Variants in MAL2 observed in about 807,000 individuals in gnomAD.
MAL2 encodes the protein mal, T cell differentiation protein 2.
In MAL2, 17 loss-of-function variants were observed where a neutral mutation model predicts 18.1. The observed-to-expected ratio is 0.94, with a 90% CI of 0.64 to 1.41. The LOEUF (loss-of-function observed/expected upper bound fraction) is 1.41, where lower values mean the gene tolerates loss of function less well. MAL2 is among the 40% of genes most tolerant of loss of function. MAL2 has a pLI of 0.00. For synonymous variants in MAL2, 102 were observed against 102.3 expected (o/e 1.00, Z 0.02); for missense variants, 222 against 231.9 (o/e 0.96, Z 0.28).
At chr8:119,230,843 T>C (rs1817705640) in intron 2 of MAL2, among the ~76,000 whole-genome samples, 1 of 152,176 alleles carries the variant, frequency 6.6e-6, no homozygotes, top group South Asian at 2.1e-4. Flanking sequence ...AATAACCACA[T>C]GTATTTGAGC....
intron 3 of MAL2, among the ~76,000 whole-genome samples, chr8:119,240,991 TGTCAGAA>T (rs1818036833): frequency 6.6e-6 from 1 of 152,206 alleles, no homozygotes; most frequent in South Asian, 2.1e-4. Context: ...ATTGTTAAGA[TGTCAGAA>T]GTCCAAATTA....
At chr8:119,226,147 A>T (rs1817591376) in intron 2 of MAL2, among the ~76,000 whole-genome samples, 1 of 151,936 alleles carries the variant, frequency 6.6e-6, no homozygotes, top group Non-Finnish European at 1.5e-5. Context: ...GTTTAATTAG[A>T]TCCCATTTGT....
At chr8:119,218,115 A>G (rs931204923) in intron 1 of MAL2, among the ~76,000 whole-genome samples, 9 of 152,110 alleles carry the variant, frequency 5.9e-5, no homozygotes, top group Non-Finnish European at 1.0e-4. Flanking sequence ...AGTGGGCTCA[A>G]TTATGTTCTC....
At chr8:119,220,027 T>C (rs1193846127) in intron 1 of MAL2, among the ~76,000 whole-genome samples, 1 of 152,096 alleles carries the variant, frequency 6.6e-6, no homozygotes, top group African/African-American at 2.4e-5. Context: ...TTTCTCCCCC[T>C]AATACAAAAT....
At chr8:119,238,001 T>C (rs1817950512) in intron 2 of MAL2, among the ~76,000 whole-genome samples, 1 of 152,232 alleles carries the variant, frequency 6.6e-6, no homozygotes, top group Non-Finnish European at 1.5e-5. Context: ...ATATTGTCCC[T>C]GTTTGCAGAT....
intron 2 of MAL2, among the ~76,000 whole-genome samples, chr8:119,238,935 T>G (rs1035862865): frequency 2.0e-5 from 3 of 151,624 alleles, no homozygotes; most frequent in Non-Finnish European, 2.9e-5. Flanking sequence ...TGGGAGCTAA[T>G]TAAACTAAAG....
chr8:119,225,935 T>C (rs950772414), intron 2 of MAL2, among the ~76,000 whole-genome samples: 1 of 152,240 alleles, frequency 6.6e-6, no homozygotes, highest in Admixed American at 6.5e-5. Flanking sequence ...GAAGTGTCTG[T>C]TCATATCCTT....
At chr8:119,234,312 C>T (rs1315550586) in intron 2 of MAL2, among the ~76,000 whole-genome samples, 1 of 152,132 alleles carries the variant, frequency 6.6e-6, no homozygotes, top group Non-Finnish European at 1.5e-5. Flanking sequence ...GGTCCTATGC[C>T]CACGGAATCT....
chr8:119,229,429 T>C lies in MAL2; in HGVS notation c.303+7672T>C, dbSNP rs150187666. Among the ~76,000 whole-genome samples, 430 of 151,920 alleles carry C rather than the reference T, an allele frequency of 2.8e-3. 1 individual carries two copies. The highest frequency in any genetic ancestry group is 9.8e-3 in the African/African-American group (405 of 41,464). On this transcript the variant is annotated intron_variant, in intron 2 of 3. Coordinates refer to ENST00000614891, the MANE Select transcript of MAL2 (RefSeq NM_052886.3). ...CTGGATTCAAGCGATTCTTCTGCCT[T>C]AGCCTTCCGAGTAACTGGGATTACA...
intron 2 of MAL2, among the ~76,000 whole-genome samples, chr8:119,227,901 T>G (rs546059978): frequency 1.3e-5 from 2 of 152,306 alleles, no homozygotes; most frequent in Admixed American, 6.5e-5. Context: ...TCCTGTCTGG[T>G]GGTCTCAGTG....
rs1365410420 is a variant in MAL2 at position 119,221,593 on chromosome 8, G to A, written c.139G>A (p.Gly47Arg). 6.2e-7 allele frequency: 1 copy of A among 1,613,684 alleles called. No individual in the cohort carries two copies. The highest frequency in any genetic ancestry group is 1.3e-5 in the African/African-American group (1 of 74,968). Residue 47 changes from glycine (G) to arginine (R), a missense_variant, in exon 2 of 4, where the codon GGG (glycine) becomes AGG (arginine). Physicochemically the swap from Gly to Arg is moderately radical, Grantham distance 125 (BLOSUM62 -2). Transcript: ENST00000614891. ...GAFVCLEILF[G>R]GLVWILVASS... ...CCCTCTTTTTCTCTTTCAGCTGTTCGGGGGTCTTGTCTGGATTTTGGTTGC... is the reference window on the plus strand; with the variant it reads ...CCCTCTTTTTCTCTTTCAGCTGTTCAGGGGTCTTGTCTGGATTTTGGTTGC...
In MAL2 at chr8:119,221,792, G is replaced by A. The variant is rs373919336; in HGVS notation, c.303+35G>A. On this transcript the variant is annotated intron_variant, in intron 2 of 3. Coordinates refer to ENST00000614891, the MANE Select transcript of MAL2 (RefSeq NM_052886.3). ...TTTTATTTTAAGTCTATTGCAGGAA[G>A]ATGGGAGAAACCTGTATCCTATTCT... 9.4e-6 allele frequency: 15 copies of A among 1,603,608 alleles called. No homozygotes were observed. The African/African-American group carries it at 1.9e-4, about 20-fold the overall frequency.
chr8:119,233,024 G>A (rs992780972), intron 2 of MAL2, among the ~76,000 whole-genome samples: 1 of 152,024 alleles, frequency 6.6e-6, no homozygotes, highest in African/African-American at 2.4e-5. Flanking sequence ...GGTCAATTTT[G>A]GAATAGGTGT....
chr8:119,234,314 A>G (rs556431512), intron 2 of MAL2, among the ~76,000 whole-genome samples: 83 of 152,320 alleles, frequency 5.4e-4, no homozygotes, highest in African/African-American at 2.0e-3. Flanking sequence ...TCCTATGCCC[A>G]CGGAATCTCG....
At chr8:119,240,367 C>A (rs1407254834) in intron 3 of MAL2, 47 bp downstream of exon 3, 4 of 1,591,080 alleles carry the variant, frequency 2.5e-6, no homozygotes, top group Non-Finnish European at 3.4e-6. Context: ...ACTTCCGCTC[C>A]ACTGTCAAGG....
rs577505404 is a variant in MAL2, at chr8:119,221,724, G to C, written c.270G>C (p.Met90Ile). Reference sequence around the variant, plus strand: ...TTCTGGGCATGTTCCTCTCTGGCATGGTGGCTCAAATTGATGCTAACTGGA... The same window carrying C: ...TTCTGGGCATGTTCCTCTCTGGCATCGTGGCTCAAATTGATGCTAACTGGA... Reference protein sequence around the residue: ...LLFLGMFLSGMVAQIDANWNF... With the variant: ...LLFLGMFLSGIVAQIDANWNF... The change falls in exon 2 of 4, where the codon ATG becomes ATC. Residue 90 changes from methionine (M) to isoleucine (I), a missense_variant. Transcript: ENST00000614891. 1.2e-6 allele frequency: 2 copies of C among 1,613,776 alleles called. No individual in the cohort carries two copies. Among genetic ancestry groups the C allele is most frequent in the South Asian group, 2.2e-5 (2 of 91,068 alleles).
intron 1 of MAL2, among the ~76,000 whole-genome samples, chr8:119,213,654 T>C (rs1817299520): frequency 6.6e-6 from 1 of 152,118 alleles, no homozygotes; most frequent in Non-Finnish European, 1.5e-5. Context: ...CCCCCATCTC[T>C]ACTAAAAATA....
chr8:119,229,671 A>T (rs1408488843), intron 2 of MAL2, among the ~76,000 whole-genome samples: 2 of 152,138 alleles, frequency 1.3e-5, no homozygotes, highest in Non-Finnish European at 2.9e-5. Context: ...AGCTCTACCC[A>T]TTGGGAAAAT....
Position 119,243,443 on chromosome 8 carries a change from T to A in MAL2, c.486T>A (p.Cys162Ter). The A allele has an allele frequency of 6.2e-7, 1 of 1,600,774 alleles. No individual in the cohort carries two copies. Among genetic ancestry groups the A allele is most frequent in the Non-Finnish European group, 8.5e-7 (1 of 1,172,874 alleles). ...ASIFAFMTTA[C>*]YGCSLGLALR... ...TTTTTGCCTTTATGACGACAGCTTG[T>A]TATGGTTGCAGTTTGGGTCTGGCTT... The change falls in exon 4 of 4, where the codon TGT (cysteine) becomes TGA (stop). Residue 162 changes from cysteine to a stop codon, truncating the protein, a stop_gained. Transcript: ENST00000614891. LOFTEE classifies it high-confidence loss of function.
Sources: gnomAD v4.1 joint callset for allele counts (sites outside exome capture counted in the v4.1 genomes callset) on GRCh38, gnomAD v4.1.1 for gene constraint, MANE v1.5 for transcripts, NCBI Gene and HGNC (gene_info 2026-07-23, HGNC 2026-07-21) for gene names.